The following CACNA1S variants were observed in gnomAD, a reference collection of about 807,000 sequenced individuals.
CACNA1S encodes the protein calcium voltage-gated channel subunit alpha1 S, also known as voltage-dependent L-type calcium channel subunit alpha-1S.
A neutral mutation model predicts 207.4 loss-of-function variants in CACNA1S; 126 were observed. The ratio of observed to expected loss-of-function variants is 0.61; its 90% CI spans 0.53 to 0.70. The LOEUF is 0.70. CACNA1S is among the 30% of genes least tolerant of loss of function. The pLI is 0.00. For missense variants in CACNA1S, 2,349 were observed against 2,422.8 expected, an observed-to-expected ratio of 0.97 and a Z score of 0.64; for synonymous variants, 960 against 932.7, an observed-to-expected ratio of 1.03 and a Z score of -0.53.
At chr1:201,102,592 G>A (rs1399643195) in intron 2 of CACNA1S, among the ~76,000 whole-genome samples, 1 of 152,148 alleles carries the variant, frequency 6.6e-6, no homozygotes, top group Admixed American at 6.5e-5. Flanking sequence ...ATCCCAGTCT[G>A]TGCGGAGCAG....
rs774618678 is a variant in CACNA1S at position 201,091,778 on chromosome 1, G to A, written c.556C>T (p.Leu186=). ...AGCATGGCCTTGAAGATGGAGTTCA[G>A]GACCACCTGCAGGCCTGCAGAGGCA... ...VSGVPSLQVV[L]NSIFKAMLPL... Residue 186 remains leucine, a synonymous_variant, in exon 5 of 44, where the codon CTG becomes TTG. Transcript: ENST00000362061. 1.9e-6 allele frequency: 3 copies of A among 1,613,946 alleles called. No homozygotes were observed. The highest frequency in any genetic ancestry group is 2.2e-5 in the East Asian group (1 of 44,884).
At chr1:201,047,698 T>C in intron 36 of CACNA1S, 72 bp from the exon 37 acceptor site, 1 of 997,552 alleles carries the variant, frequency 1.0e-6, no homozygotes, top group Non-Finnish European at 1.6e-6. Context: ...CAGTTCTTTC[T>C]GAACCTTTCA....
rs1660076351 is a variant in CACNA1S at position 201,040,070 on chromosome 1, C to G, written c.5383G>C (p.Gly1795Arg). 6.2e-7 allele frequency: 1 copy of G among 1,614,204 alleles called. No homozygotes were observed. Among genetic ancestry groups the G allele is most frequent in the Non-Finnish European group, 8.5e-7 (1 of 1,180,016 alleles). ...ALLIQKALVRGGLGTLAADAN... is the reference protein window; with the variant it reads ...ALLIQKALVRRGLGTLAADAN... The stretch of plus-strand genomic sequence containing the variant: ...TCAGCTGCCAAGGTGCCCAGGCCCC[C>G]TCGAACCAGAGCCTGCAGGGAGGAG... Residue 1795 changes from glycine (G) to arginine (R), a missense_variant, in exon 44 of 44, where the codon GGG becomes CGG. Physicochemically the swap from Gly to Arg is moderately radical, Grantham distance 125. Coordinates refer to ENST00000362061, the MANE Select transcript of CACNA1S (RefSeq NM_000069.3).
At chr1:201,110,950 A>T (rs1039773530) in intron 1 of CACNA1S, among the ~76,000 whole-genome samples, 1 of 152,080 alleles carries the variant, frequency 6.6e-6, no homozygotes, top group African/African-American at 2.4e-5. Flanking sequence ...GAAGCGAGGG[A>T]GTTGTTTGGG....
chr1:201,063,166 A>G (rs549625094), intron 22 of CACNA1S, among the ~76,000 whole-genome samples: 166 of 146,158 alleles, frequency 1.1e-3, no homozygotes, highest in African/African-American at 3.8e-3. Context: ...CAGATTATTT[A>G]TTATAGAATT....
chr1:201,095,000 C>CTGGCTTGGCAGCTTCTAA (rs1403923249), intron 2 of CACNA1S, among the ~76,000 whole-genome samples: 1 of 152,066 alleles, frequency 6.6e-6, no homozygotes, highest in Non-Finnish European at 1.5e-5. Context: ...CATCTGAACC[C>CTGGCTTGGCAGCTTCTAA]TGGCTTGGCA....
intron 38 of CACNA1S, among the ~76,000 whole-genome samples, chr1:201,046,076 G>A (rs907518369): frequency 2.6e-5 from 4 of 151,990 alleles, no homozygotes; most frequent in Non-Finnish European, 2.9e-5. Flanking sequence ...GCATTACAGT[G>A]AACCCAAAAA....
chr1:201,062,408 C>T (rs1661083293), intron 23 of CACNA1S, 54 bp downstream of exon 23: 5 of 1,552,898 alleles, frequency 3.2e-6, no homozygotes, highest in South Asian at 1.1e-5. Flanking sequence ...CCGTGACTGT[C>T]CCACCATGCT....
rs3767502 is a variant in CACNA1S at position 201,053,970 on chromosome 1, T to G, written c.3667-383A>C. 6.6e-6 allele frequency among the ~76,000 whole-genome samples: 1 copy of G among 152,014 alleles called. No homozygotes were observed. The highest frequency in any genetic ancestry group is 2.4e-5 in the African/African-American group (1 of 41,418). On this transcript the variant is annotated intron_variant, in intron 29 of 43. Transcript: ENST00000362061. The surrounding 1 kb of genome is among the most constrained non-coding windows in gnomAD (Gnocchi z 5.1). ...AGGACCCTGGTGGCCCTCCTAGGGCTCCTCCCCTGGCGTCCTCCCAGTGCA... is the reference window on the plus strand; with the variant it reads ...AGGACCCTGGTGGCCCTCCTAGGGCGCCTCCCCTGGCGTCCTCCCAGTGCA...
At chr1:201,111,209 C>T (rs1663090330) in intron 1 of CACNA1S, among the ~76,000 whole-genome samples, 1 of 152,118 alleles carries the variant, frequency 6.6e-6, no homozygotes, top group South Asian at 2.1e-4. Flanking sequence ...ACAGGGCTGA[C>T]CCTGACCCCA....
intron 2 of CACNA1S, among the ~76,000 whole-genome samples, chr1:201,099,944 G>A (rs1356319534): frequency 1.3e-5 from 2 of 152,122 alleles, no homozygotes; most frequent in African/African-American, 4.8e-5. Flanking sequence ...GCAGGATCTG[G>A]GAGGAGGCCC....
Position 201,105,137 on chromosome 1 carries a change from A to C in CACNA1S, c.258+5027T>G, listed in dbSNP as rs376713673. Among the ~76,000 whole-genome samples the C allele has an allele frequency of 1.3e-4, 20 of 152,366 alleles. No homozygotes were observed. The East Asian group carries it at 3.1e-3, about 23-fold the overall frequency. ...GTTAGGGGTTTCAAGGAGAGAAGACACAGAGTTAAAGAGAAATCAGGGACA... is the reference window on the plus strand; with the variant it reads ...GTTAGGGGTTTCAAGGAGAGAAGACCCAGAGTTAAAGAGAAATCAGGGACA... On this transcript the variant is annotated intron_variant, in intron 2 of 43. Transcript: ENST00000362061.
At chr1:201,070,219 GA>G (rs1404157777) in intron 17 of CACNA1S, 52 bp downstream of exon 17, 1 of 1,603,550 alleles carries the variant, frequency 6.2e-7, no homozygotes, top group Non-Finnish European at 8.5e-7. Context: ...CTAGGGCAGG[GA>G]AGCAGATGAG....
chr1:201,103,239 G>A (rs1235319867), intron 2 of CACNA1S, among the ~76,000 whole-genome samples: 2 of 134,640 alleles, frequency 1.5e-5, no homozygotes, highest in African/African-American at 2.8e-5. Context: ...GAGGAGACTT[G>A]GTCTCAAAAA....
Position 201,066,928 on chromosome 1 carries a change from G to T in CACNA1S, c.2616C>A (p.Asp872Glu), listed in dbSNP as rs1321228422. 1.2e-6 allele frequency: 2 copies of T among 1,614,204 alleles called. No homozygotes were observed. The highest frequency in any genetic ancestry group is 1.1e-5 in the South Asian group (1 of 91,086). The change falls in exon 20 of 44, where the codon GAC becomes GAA. Residue 872 changes from aspartate (D) to glutamate (E), a missense_variant. Physicochemically the swap from Asp to Glu is conservative, Grantham distance 45. Coordinates refer to ENST00000362061, the MANE Select transcript of CACNA1S (RefSeq NM_000069.3). The surrounding 1 kb of genome is among the most constrained non-coding windows in gnomAD (Gnocchi z 4.3). ...TGAGGGACACGGCCACCACCAGCAG[G>T]TCCAGCATGTTGAAGTAATTGCGGC... ...SFCRNYFNML[D>E]LLVVAVSLIS... is the part of the protein sequence containing the mutation.
intron 34 of CACNA1S, 141 bp from the exon 35 acceptor site, chr1:201,049,240 G>A (rs1660573842): frequency 1.5e-6 from 1 of 657,246 alleles, no homozygotes; most frequent in Non-Finnish European, 2.7e-6. Context: ...TAGGAAGTGG[G>A]AGCCCAGCTC....
chr1:201,109,651 A>G (rs1663025713), intron 2 of CACNA1S, among the ~76,000 whole-genome samples: 2 of 152,158 alleles, frequency 1.3e-5, no homozygotes, highest in Admixed American at 6.5e-5. Context: ...GGTATGTGTT[A>G]CTGATGAAGG....
rs1476696619 is a variant in CACNA1S at position 201,075,480 on chromosome 1, C to T, written c.1948+15G>A. 7.4e-6 allele frequency: 12 copies of T among 1,613,286 alleles called. No homozygotes were observed. Among genetic ancestry groups the T allele is most frequent in the African/African-American group, 1.3e-5 (1 of 74,714 alleles). ...TCCCTAAGCTCTTTTCTGCACCCTG[C>T]TCCCGAGAGGATACAGTTGCCACAG... On this transcript the variant is annotated intron_variant, in intron 13 of 43. Coordinates refer to ENST00000362061, the MANE Select transcript of CACNA1S (RefSeq NM_000069.3).
At chr1:201,045,734 CAAAAAA>C (rs56958698) in intron 38 of CACNA1S, among the ~76,000 whole-genome samples, 4 of 72,648 alleles carry the variant, frequency 5.5e-5, no homozygotes, top group African/African-American at 1.1e-4. Context: ...CTCTTGTCTC[CAAAAAA>C]AAAAAAAAAA....
Sources: allele counts gnomAD v4.1 joint callset (sites outside exome capture counted in the v4.1 genomes callset), GRCh38; gene constraint gnomAD v4.1.1; non-coding constraint Gnocchi (gnomAD v3.1); transcripts MANE v1.5; gene names NCBI Gene and HGNC (gene_info 2026-07-23, HGNC 2026-07-21).